Variants in GEMIN5 observed in about 807,000 individuals in gnomAD.
GEMIN5 encodes gem nuclear organelle associated protein 5.
GEMIN5 carries 124 observed loss-of-function variants against 176.9 expected under a neutral mutation model. That is an observed-to-expected ratio of 0.70 (90% confidence interval 0.61 to 0.81). The LOEUF is 0.81. Among genes scored for constraint, GEMIN5 ranks in the 40% least tolerant of loss-of-function variants. GEMIN5 has a pLI of 0.00. For synonymous variants in GEMIN5, 673 were observed against 665.2 expected (o/e 1.01, Z -0.18); for missense variants, 1,843 against 1,814.6 (o/e 1.02, Z -0.28).
At chr5:154,894,037 C>T (rs1399912450) in intron 24 of GEMIN5, among the ~76,000 whole-genome samples, 1 of 152,160 alleles carries the variant, frequency 6.6e-6, no homozygotes, top group African/African-American at 2.4e-5. Context: ...CTCCGTCTCC[C>T]AGATTTGAAT....
In GEMIN5 at chr5:154,891,437, A is replaced by G; in HGVS notation, c.4066T>C (p.Phe1356Leu). Residue 1356 changes from phenylalanine to leucine, a missense_variant, in exon 26 of 28, where the codon TTT becomes CTT. Phe to Leu is a conservative substitution (Grantham distance 22). Coordinates refer to ENST00000285873, the MANE Select transcript of GEMIN5 (RefSeq NM_015465.5). ...TGCTTTTCTGAAAAGAGCTCCTTAA[A>G]AGTACTCAGCATTCGCTCACCTTCT... The part of the protein sequence containing the change: ...TEEGERMLST[F>L]KELFSEKHAS... The G allele has an allele frequency of 6.2e-7, 1 of 1,614,030 alleles. No individual in the cohort carries two copies. The highest frequency in any genetic ancestry group is 1.1e-5 in the South Asian group (1 of 91,084).
At chr5:154,919,221 C>T (rs1370766710) in intron 11 of GEMIN5, among the ~76,000 whole-genome samples, 1 of 152,008 alleles carries the variant, frequency 6.6e-6, no homozygotes, top group Non-Finnish European at 1.5e-5. Context: ...GTCCCAGATA[C>T]TTGGGAGGCT....
intron 24 of GEMIN5, among the ~76,000 whole-genome samples, chr5:154,894,528 T>A (rs984422164): frequency 2.0e-5 from 3 of 151,796 alleles, no homozygotes; most frequent in Admixed American, 6.6e-5. Flanking sequence ...CACAGCACTT[T>A]GGGAGGCCGA....
intron 11 of GEMIN5, among the ~76,000 whole-genome samples, chr5:154,918,776 G>A (rs1763861637): frequency 6.6e-6 from 1 of 152,174 alleles, no homozygotes; most frequent in South Asian, 2.1e-4. Context: ...GGGCATGGTG[G>A]CTCATGCCTA....
chr5:154,920,184 T>C, intron 10 of GEMIN5, 81 bp from the exon 11 acceptor site: 1 of 1,037,512 alleles, frequency 9.6e-7, no homozygotes, highest in Non-Finnish European at 1.4e-6. Flanking sequence ...GACCATACCA[T>C]ACTACATAGT....
At chr5:154,914,998 T>G (rs1763783412) in intron 13 of GEMIN5, among the ~76,000 whole-genome samples, 1 of 152,164 alleles carries the variant, frequency 6.6e-6, no homozygotes, top group Admixed American at 6.5e-5. Flanking sequence ...AATAAGAAGG[T>G]AAAAATTAAA....
Position 154,898,453 on chromosome 5 carries a change from T to C in GEMIN5, c.3332A>G (p.His1111Arg). Reference sequence around the variant, plus strand: ...TAACAGACTGACCTGTAGACTTTCATGCAGCTGCAGGGCTTCCTGGGCTCC... The same window carrying C: ...TAACAGACTGACCTGTAGACTTTCACGCAGCTGCAGGGCTTCCTGGGCTCC... Reference protein sequence around the residue: ...WVGAQEALQLHESLQGQRLVF... With the variant: ...WVGAQEALQLRESLQGQRLVF... The change falls in exon 23 of 28, where the codon CAT (histidine) becomes CGT (arginine). Residue 1111 changes from histidine (H) to arginine (R), a missense_variant. His to Arg is a conservative substitution (Grantham distance 29). Coordinates refer to ENST00000285873, the MANE Select transcript of GEMIN5 (RefSeq NM_015465.5). 4 of 1,613,540 alleles carry C rather than the reference T, an allele frequency of 2.5e-6. No homozygotes were observed. Among genetic ancestry groups the C allele is most frequent in the South Asian group, 1.1e-5 (1 of 91,074 alleles).
chr5:154,895,108 A>G (rs1407417452), intron 24 of GEMIN5, among the ~76,000 whole-genome samples: 1 of 152,010 alleles, frequency 6.6e-6, no homozygotes, highest in African/African-American at 2.4e-5. Context: ...AGGAAAAAAG[A>G]AAAGAAAAAA....
At chr5:154,914,288 C>T (rs1272324991) in intron 13 of GEMIN5, among the ~76,000 whole-genome samples, 8 of 152,030 alleles carry the variant, frequency 5.3e-5, no homozygotes, top group South Asian at 2.1e-4. Flanking sequence ...CCCAAAGTGC[C>T]GGGATTATAG....
In GEMIN5 at chr5:154,920,078, A is replaced by C; in HGVS notation, c.1488T>G (p.Leu496=). The change falls in exon 11 of 28, where the codon CTT becomes CTG. Residue 496 remains leucine (L), a synonymous_variant. Coordinates refer to ENST00000285873, the MANE Select transcript of GEMIN5 (RefSeq NM_015465.5). ...CTTCTCCTCCACAGCTGTATAAAGCAAGGGAAGGTCTGTCTCCTTCTCCTC... is the reference window on the plus strand; with the variant it reads ...CTTCTCCTCCACAGCTGTATAAAGCCAGGGAAGGTCTGTCTCCTTCTCCTC... ...SLGGEGDRPS[L]ALYSCGGEGI... The C allele has an allele frequency of 6.2e-7, 1 of 1,613,132 alleles. No individual in the cohort carries two copies. Among genetic ancestry groups the C allele is most frequent in the Non-Finnish European group, 8.5e-7 (1 of 1,179,346 alleles).
intron 5 of GEMIN5, 84 bp from the exon 6 acceptor site, chr5:154,928,743 C>T (rs1764098369): frequency 8.1e-7 from 1 of 1,242,214 alleles, no homozygotes. Flanking sequence ...AACACACAGT[C>T]TGCGCTGTAA....
At chr5:154,936,881 A>G in intron 2 of GEMIN5, 144 bp downstream of exon 2, 2 of 655,260 alleles carry the variant, frequency 3.1e-6, no homozygotes, top group South Asian at 5.1e-5. Context: ...AAGTTGAGAC[A>G]TCTTACAATA....
chr5:154,888,951 GAGTT>G (rs1763164945), intron 27 of GEMIN5, among the ~76,000 whole-genome samples: 2 of 151,620 alleles, frequency 1.3e-5, no homozygotes, highest in Non-Finnish European at 2.9e-5. Flanking sequence ...TCCGCCTCCT[GAGTT>G]CACGCCATTC....
chr5:154,888,503 T>C, intron 27 of GEMIN5, 126 bp from the exon 28 acceptor site: 1 of 696,602 alleles, frequency 1.4e-6, no homozygotes, highest in Non-Finnish European at 2.4e-6. Context: ...GAGCCAGCTG[T>C]CTCCTAAGGC....
At chr5:154,929,966 T>C (rs1392559423) in intron 5 of GEMIN5, among the ~76,000 whole-genome samples, 3 of 152,236 alleles carry the variant, frequency 2.0e-5, no homozygotes, top group Non-Finnish European at 4.4e-5. Flanking sequence ...GTGTGAGATA[T>C]GAGTTCTAAA....
chr5:154,932,179 T>C lies in GEMIN5; in HGVS notation c.581A>G (p.His194Arg). Residue 194 changes from histidine (H) to arginine (R), a missense_variant, in exon 4 of 28, where the codon CAT becomes CGT. Coordinates refer to ENST00000285873, the MANE Select transcript of GEMIN5 (RefSeq NM_015465.5). ...KGEVIHRLRG[H>R]DDEIHSIAWC... ...GGCTATGGAGTGGATTTCATCATCA[T>C]GGCCTCGAAGCCTATGAATAACTTC... 2 of 1,611,478 alleles carry C rather than the reference T, an allele frequency of 1.2e-6. No homozygotes were observed.
At chr5:154,903,584 G>A (rs752934013) in intron 18 of GEMIN5, among the ~76,000 whole-genome samples, 1 of 152,016 alleles carries the variant, frequency 6.6e-6, no homozygotes, top group African/African-American at 2.4e-5. Context: ...CTCCAAAAAG[G>A]CTATGTATAT....
chr5:154,900,963 T>C (rs138700526), intron 21 of GEMIN5, among the ~76,000 whole-genome samples: 3 of 152,312 alleles, frequency 2.0e-5, no homozygotes, highest in African/African-American at 7.2e-5. Flanking sequence ...TACACAACTT[T>C]ACTACTTACC....
In GEMIN5 at chr5:154,913,444, G is replaced by T. The variant is rs543913482; in HGVS notation, c.1856-406C>A. On this transcript the variant is annotated intron_variant, in intron 13 of 27. Transcript: ENST00000285873. ...AAATGTATAATTTGAATATAGTCATGAGAAAATACCAGACAAATGCAAAAT... is the reference window on the plus strand; with the variant it reads ...AAATGTATAATTTGAATATAGTCATTAGAAAATACCAGACAAATGCAAAAT... Among the ~76,000 whole-genome samples the T allele has an allele frequency of 7.2e-5, 11 of 152,312 alleles. No homozygotes were observed. In the East Asian group the frequency reaches 1.9e-3, roughly 27 times the overall value.
Sources: gnomAD v4.1 joint callset for allele counts (sites outside exome capture counted in the v4.1 genomes callset) on GRCh38, gnomAD v4.1.1 for gene constraint, MANE v1.5 for transcripts, NCBI Gene and HGNC (gene_info 2026-07-23, HGNC 2026-07-21) for gene names.